Variants in RALYL observed in about 807,000 individuals in gnomAD.
The protein encoded by RALYL is RALY RNA binding protein like.
In RALYL, 29 loss-of-function variants were observed where a neutral mutation model predicts 35.1. That is an observed-to-expected ratio of 0.83 (90% CI 0.61 to 1.13). The LOEUF is 1.13. RALYL is among the 50% of genes most tolerant of loss of function. The probability of loss-of-function intolerance (pLI) is 0.00; values close to 1 mark genes in which losing one functional copy is unlikely to be tolerated. For synonymous variants in RALYL, 120 were observed against 127.6 expected (o/e 0.94, Z 0.40); for missense variants, 359 against 360.4 (o/e 1.00, Z 0.03).
intron 2 of RALYL, among the ~76,000 whole-genome samples, chr8:84,632,527 C>T (rs2131262643): frequency 6.6e-6 from 1 of 151,508 alleles, no homozygotes; most frequent in East Asian, 2.0e-4. Context: ...TTTGTCATAT[C>T]CTACAAAAAA....
intron 1 of RALYL, among the ~76,000 whole-genome samples, chr8:84,454,249 G>C (rs372957585): frequency 1.3e-5 from 2 of 152,070 alleles, no homozygotes; most frequent in South Asian, 4.1e-4. Context: ...GATGTAAGAT[G>C]GGGGAAGTGG....
intron 2 of RALYL, among the ~76,000 whole-genome samples, chr8:84,698,084 C>A (rs1839480992): frequency 6.6e-6 from 1 of 152,080 alleles, no homozygotes; most frequent in Admixed American, 6.6e-5. Flanking sequence ...GTATCATGAA[C>A]TGGGTACAGT....
chr8:84,393,441 C>T (rs1002548061), intron 1 of RALYL, among the ~76,000 whole-genome samples: 2 of 152,010 alleles, frequency 1.3e-5, no homozygotes, highest in African/African-American at 4.8e-5. Flanking sequence ...AAAGGGAAGT[C>T]ACAATTTTTT....
intron 1 of RALYL, among the ~76,000 whole-genome samples, chr8:84,448,184 C>T (rs1367827763): frequency 6.6e-6 from 1 of 151,860 alleles, no homozygotes; most frequent in African/African-American, 2.4e-5. Context: ...TAGCAACCAC[C>T]CTCCAGCCCA....
Position 84,760,374 on chromosome 8 carries a change from A to G in RALYL, c.257-14205A>G, listed in dbSNP as rs563265327. ...TGTTATACAAATAATTTATTGTTGC[A>G]TCCAAAGAGCTGTGATATTCTACCA... On this transcript the variant is annotated intron_variant, in intron 2 of 8. Coordinates refer to ENST00000521268, the MANE Select transcript of RALYL (RefSeq NM_173848.7). Among the ~76,000 whole-genome samples, 34 of 152,200 alleles carry G rather than the reference A, an allele frequency of 2.2e-4. 1 individual carries two copies. The South Asian group carries it at 7.0e-3, about 31-fold the overall frequency.
chr8:84,349,734 T>C (rs1850533145), intron 1 of RALYL, among the ~76,000 whole-genome samples: 1 of 150,508 alleles, frequency 6.6e-6, no homozygotes, highest in African/African-American at 2.5e-5. Context: ...GAAGCCAAGT[T>C]TGAGGCTACA....
At chr8:84,426,473 T>TGGGGGG (rs1554662559) in intron 1 of RALYL, among the ~76,000 whole-genome samples, 25 of 149,128 alleles carry the variant, frequency 1.7e-4, no homozygotes, top group Admixed American at 7.4e-4. Context: ...TGTGTGTGTG[T>TGGGGGG]GGGTTTAGAT....
intron 8 of RALYL, among the ~76,000 whole-genome samples, chr8:84,907,501 T>C (rs935419097): frequency 6.6e-6 from 1 of 152,082 alleles, no homozygotes; most frequent in East Asian, 1.9e-4. Context: ...CTTCGAGGAG[T>C]AGCTATTTCA....
intron 4 of RALYL, among the ~76,000 whole-genome samples, chr8:84,817,112 AC>A (rs1394508472): frequency 1.3e-5 from 2 of 152,152 alleles, no homozygotes; most frequent in Non-Finnish European, 2.9e-5. Context: ...GAGAGTAAAT[AC>A]TTTCAGGGCA....
intron 1 of RALYL, among the ~76,000 whole-genome samples, chr8:84,240,425 C>T (rs1255608567): frequency 6.6e-6 from 1 of 152,146 alleles, no homozygotes; most frequent in African/African-American, 2.4e-5. Flanking sequence ...CAGTTCTAAT[C>T]AGCAGATATT....
intron 1 of RALYL, among the ~76,000 whole-genome samples, chr8:84,468,848 T>C (rs968553476): frequency 2.6e-5 from 4 of 152,136 alleles, no homozygotes; most frequent in Non-Finnish European, 5.9e-5. Flanking sequence ...CATTTCTTTT[T>C]ATTCTTTTTT....
intron 1 of RALYL, among the ~76,000 whole-genome samples, chr8:84,312,904 G>A (rs1563716159): frequency 6.6e-6 from 1 of 152,210 alleles, no homozygotes; most frequent in Admixed American, 6.5e-5. Flanking sequence ...GATCCTGTGT[G>A]GGGACTCCAA....
chr8:84,523,523 T>G (rs1037944208), intron 1 of RALYL, among the ~76,000 whole-genome samples: 1 of 152,120 alleles, frequency 6.6e-6, no homozygotes, highest in Non-Finnish European at 1.5e-5. Flanking sequence ...TTTTTTATTT[T>G]TTTTATTATA....
intron 1 of RALYL, among the ~76,000 whole-genome samples, chr8:84,251,845 T>A (rs544659153): frequency 6.6e-6 from 1 of 152,026 alleles, no homozygotes; most frequent in Non-Finnish European, 1.5e-5. Context: ...TTATTTTCAT[T>A]TCTTTTTTTT....
intron 2 of RALYL, among the ~76,000 whole-genome samples, chr8:84,680,603 T>C (rs942048447): frequency 1.3e-5 from 2 of 152,228 alleles, no homozygotes; most frequent in African/African-American, 4.8e-5. Flanking sequence ...TGGCCAGTGA[T>C]GATGGGCATT....
intron 4 of RALYL, among the ~76,000 whole-genome samples, chr8:84,819,412 GTAC>G (rs1563675256): frequency 3.3e-5 from 5 of 152,138 alleles, no homozygotes; most frequent in African/African-American, 1.2e-4. Context: ...ACACTTTTCT[GTAC>G]TTGTCAAAAT....
chr8:84,596,532 T>C (rs1311660046), intron 2 of RALYL, among the ~76,000 whole-genome samples: 1 of 152,188 alleles, frequency 6.6e-6, no homozygotes, highest in Non-Finnish European at 1.5e-5. Flanking sequence ...CAAGAAATTC[T>C]AATTTAAGAA....
At chr8:84,418,994 TTC>T (rs1045818746) in intron 1 of RALYL, among the ~76,000 whole-genome samples, 60 of 152,136 alleles carry the variant, frequency 3.9e-4, no homozygotes, top group Admixed American at 2.8e-3. Context: ...TGCAGCCTAG[TTC>T]TCTCTTTAAT....
At position 84,719,205 on chromosome 8, in the gene RALYL, T is replaced by G. The variant is rs191726326; in HGVS notation, c.257-55374T>G. ...AGAGATCAGGTCACTATTTTCATTC[T>G]ATATCCCCAGCATGGTCTGGCCTAG... On this transcript the variant is annotated intron_variant, in intron 2 of 8. Coordinates refer to ENST00000521268, the MANE Select transcript of RALYL (RefSeq NM_173848.7). Among the ~76,000 whole-genome samples, 16 of 152,350 alleles carry G rather than the reference T, an allele frequency of 1.1e-4. No individual in the cohort carries two copies. In the East Asian group the frequency reaches 2.9e-3, roughly 28 times the overall value.
Sources: gnomAD v4.1 joint callset for allele counts (sites outside exome capture counted in the v4.1 genomes callset) on GRCh38, gnomAD v4.1.1 for gene constraint, MANE v1.5 for transcripts, NCBI Gene and HGNC (gene_info 2026-07-23, HGNC 2026-07-21) for gene names.